BIN1: variants seen among roughly 807,000 people sequenced by gnomAD.
BIN1 encodes myc box-dependent-interacting protein 1.
A neutral mutation model predicts 82.0 loss-of-function variants in BIN1; 53 were observed. The ratio of observed to expected loss-of-function variants is 0.65; its 90% CI spans 0.52 to 0.81. The LOEUF is 0.81. BIN1 is among the 40% of genes least tolerant of loss of function. The pLI is 0.00. For missense variants in BIN1, 642 were observed against 784.4 expected (o/e 0.82, Z 2.17); for synonymous variants, 302 against 328.0 (o/e 0.92, Z 0.86).
At chr2:127,050,726 G>A in intron 17 of BIN1, 76 bp downstream of exon 17, 2 of 1,524,254 alleles carry the variant, frequency 1.3e-6, no homozygotes, top group Non-Finnish European at 1.8e-6. Flanking sequence ...AAACCACAGA[G>A]TCTCCTGAGG....
At chr2:127,106,473 T>G (rs1385810426) in intron 1 of BIN1, among the ~76,000 whole-genome samples, 1 of 152,144 alleles carries the variant, frequency 6.6e-6, no homozygotes, top group Non-Finnish European at 1.5e-5. Flanking sequence ...GTTGCCTGCA[T>G]GGGCCTGGAG....
chr2:127,070,436 C>T, intron 4 of BIN1, 117 bp downstream of exon 4: 1 of 1,280,176 alleles, frequency 7.8e-7, no homozygotes, highest in South Asian at 1.2e-5. Context: ...CCAGGGCACA[C>T]AGCACGCGAA....
rs1558798846 is a variant in BIN1 at position 127,053,451 on chromosome 2, C to CG, written c.1240-7dup. 6.2e-7 allele frequency: 1 copy of CG among 1,613,696 alleles called. No individual in the cohort carries two copies. Among genetic ancestry groups the CG allele is most frequent in the Non-Finnish European group, 8.5e-7 (1 of 1,179,850 alleles). On this transcript the variant is annotated splice_region_variant and splice_polypyrimidine_tract_variant and intron_variant, in intron 13 of 18. Transcript: ENST00000316724. ...CAGAGGTCCCATGGAATTGACTGAGCGCAGCAGTGAGGGCGAGAAGGACAG... is the reference window on the plus strand; with the variant it reads ...CAGAGGTCCCATGGAATTGACTGAGCGGCAGCAGTGAGGGCGAGAAGGACAG...
chr2:127,092,186 G>T (rs1295419758), intron 1 of BIN1, among the ~76,000 whole-genome samples: 1 of 152,182 alleles, frequency 6.6e-6, no homozygotes, highest in Non-Finnish European at 1.5e-5. Flanking sequence ...GGAGCAGAGG[G>T]GCTCCGGGCT....
rs543042694 is a variant in BIN1 at position 127,057,842 on chromosome 2, GGA to G, written c.1003-243_1003-242del. On this transcript the variant is annotated intron_variant, in intron 11 of 18. Coordinates refer to ENST00000316724, the MANE Select transcript of BIN1 (RefSeq NM_139343.3). This position sits in a 1 kb window ranked among gnomAD's most constrained non-coding sequence, Gnocchi z 5.0. ...GGCAGGCGGTCCAGAAACGCTGTGT[GGA>G]GAGAGAAGAGATAGAGAAGTGAGGG... 3.3e-5 allele frequency among the ~76,000 whole-genome samples: 5 copies of G among 151,974 alleles called. No individual in the cohort carries two copies. The highest frequency in any genetic ancestry group is 1.2e-4 in the African/African-American group (5 of 41,406).
intron 18 of BIN1, 67 bp downstream of exon 18, chr2:127,050,349 CCACGG>C: frequency 6.4e-7 from 1 of 1,559,960 alleles, no homozygotes; most frequent in Non-Finnish European, 8.8e-7. Flanking sequence ...CCTGTCTCCG[CCACGG>C]CGGTGCCAGC....
chr2:127,076,638 G>A lies in BIN1; in HGVS notation c.153C>T (p.Phe51=). ...DEQFEQCVQN[F]NKQLTEGTRL... is the part of the protein sequence containing the mutation. ...CACCCACACTCACCAGCTGCTTGTT[G>A]AAATTCTGGACGCACTGCTCAAACT... The change falls in exon 2 of 19, where the codon TTC becomes TTT. Residue 51 remains phenylalanine, a synonymous_variant. Transcript: ENST00000316724. The A allele has an allele frequency of 6.2e-7, 1 of 1,614,116 alleles. No homozygotes were observed. Among genetic ancestry groups the A allele is most frequent in the Non-Finnish European group, 8.5e-7 (1 of 1,180,024 alleles).
At position 127,059,940 on chromosome 2, in the gene BIN1, G is replaced by T. The variant is rs751461352; in HGVS notation, c.858-785C>A. Among the ~76,000 whole-genome samples, 2 of 152,146 alleles carry T rather than the reference G, an allele frequency of 1.3e-5. No individual in the cohort carries two copies. Among genetic ancestry groups the T allele is most frequent in the Non-Finnish European group, 2.9e-5 (2 of 68,024 alleles). On this transcript the variant is annotated intron_variant, in intron 10 of 18. Transcript: ENST00000316724. This position sits in a 1 kb window ranked among gnomAD's most constrained non-coding sequence, Gnocchi z 6.7. Reference sequence around the variant, plus strand: ...AGTACGGTTGCCACTAGCCACAGGCGGCAATGCAAACTCAAAGCAATGAAA... The same window carrying T: ...AGTACGGTTGCCACTAGCCACAGGCTGCAATGCAAACTCAAAGCAATGAAA...
At chr2:127,079,643 C>T (rs753442373) in intron 1 of BIN1, among the ~76,000 whole-genome samples, 8 of 152,240 alleles carry the variant, frequency 5.3e-5, no homozygotes, top group Non-Finnish European at 1.0e-4. Context: ...TTCCTCACTG[C>T]TATGTGATGT....
rs528828320 is a variant in BIN1, at chr2:127,070,814, C to T, written c.168G>A (p.Thr56=). 8.1e-6 allele frequency: 13 copies of T among 1,611,972 alleles called. No individual in the cohort carries two copies. The highest frequency in any genetic ancestry group is 2.1e-4 in the Middle Eastern group (1 of 4,840). Reference sequence around the variant, plus strand: ...GATCCTTCTGCAGCCGGGTGCCCTCCGTCTGCAAAGAGAAGGACAAGGACC... The same window carrying T: ...GATCCTTCTGCAGCCGGGTGCCCTCTGTCTGCAAAGAGAAGGACAAGGACC... ...QCVQNFNKQL[T]EGTRLQKDLR... is the part of the protein sequence containing the mutation. Residue 56 remains threonine, a splice_region_variant and synonymous_variant, in exon 3 of 19, where the codon ACG becomes ACA. Coordinates refer to ENST00000316724, the MANE Select transcript of BIN1 (RefSeq NM_139343.3).
Position 127,068,884 on chromosome 2 carries a change from C to T in BIN1, c.519+40G>A, listed in dbSNP as rs372195051. On this transcript the variant is annotated intron_variant, in intron 6 of 18. Transcript: ENST00000316724. The surrounding 1 kb of genome is among the most constrained non-coding windows in gnomAD (Gnocchi z 4.9). ...GTCCTAGACACCCGCCCTCTCTCAGCCCCCTGCAGACGCTGCCCCGACCCG... is the reference window on the plus strand; with the variant it reads ...GTCCTAGACACCCGCCCTCTCTCAGTCCCCTGCAGACGCTGCCCCGACCCG... The T allele has an allele frequency of 9.7e-4, 1,530 of 1,573,696 alleles. 17 individuals are homozygous for T. The South Asian group carries it at 0.013, about 13-fold the overall frequency.
At chr2:127,080,115 T>C (rs905710653) in intron 1 of BIN1, among the ~76,000 whole-genome samples, 1 of 152,234 alleles carries the variant, frequency 6.6e-6, no homozygotes, top group African/African-American at 2.4e-5. Flanking sequence ...ATTTCATCCA[T>C]GAGGGAACGC....
intron 1 of BIN1, among the ~76,000 whole-genome samples, chr2:127,094,106 T>G (rs1426112657): frequency 1.3e-5 from 2 of 152,214 alleles, no homozygotes; most frequent in Non-Finnish European, 2.9e-5. Flanking sequence ...TTAATCCTCA[T>G]GACAACCCTC....
rs886054833 is a variant in BIN1, at chr2:127,048,471, C to T, written c.*55G>A. The T allele has an allele frequency of 9.3e-6, 14 of 1,511,804 alleles. No homozygotes were observed. The Middle Eastern group carries it at 6.8e-4, about 74-fold the overall frequency. 93.6% of individuals were successfully genotyped at this position (1,511,804 alleles called of 1,614,324 possible). ...AAACAAAACAAAAAAAAGAACCACA[C>T]ATTTTTCGGGAGGAGGTGTTCTTCA... On this transcript the variant is annotated 3_prime_UTR_variant, in exon 19 of 19. Coordinates refer to ENST00000316724, the MANE Select transcript of BIN1 (RefSeq NM_139343.3).
intron 1 of BIN1, among the ~76,000 whole-genome samples, chr2:127,106,332 A>C (rs1681118780): frequency 1.3e-5 from 2 of 152,302 alleles, no homozygotes; most frequent in Admixed American, 1.3e-4. Flanking sequence ...GGAGAACGAA[A>C]GTGGAGAAGC....
chr2:127,061,009 C>G (rs1379902963), intron 10 of BIN1, among the ~76,000 whole-genome samples: 2 of 152,154 alleles, frequency 1.3e-5, no homozygotes, highest in Non-Finnish European at 1.5e-5. Context: ...GGAAGGGAGA[C>G]TCCTGGGCCT....
chr2:127,078,917 TACC>T (rs752979203), intron 1 of BIN1, among the ~76,000 whole-genome samples: 4 of 147,844 alleles, frequency 2.7e-5, no homozygotes, highest in Admixed American at 6.7e-5. Flanking sequence ...CCCAGAAGTC[TACC>T]AGAGCCACCA....
At position 127,054,016 on chromosome 2, in the gene BIN1, GGCAGCA is replaced by G; in HGVS notation, c.1132-10_1132-5del. 1.9e-6 allele frequency: 3 copies of G among 1,550,538 alleles called. No homozygotes were observed. The highest frequency in any genetic ancestry group is 2.4e-5 in the East Asian group (1 of 40,904). ...AGAAAGGCCCCGGGGCCTCAAACTTGGCAGCAGCAGCAGCAGCAGAGGAGGAAGCAG... is the reference window on the plus strand; with the variant it reads ...AGAAAGGCCCCGGGGCCTCAAACTTGGCAGCAGCAGCAGAGGAGGAAGCAG... On this transcript the variant is annotated splice_region_variant and splice_polypyrimidine_tract_variant and intron_variant, in intron 12 of 18. Transcript: ENST00000316724.
intron 1 of BIN1, 80 bp downstream of exon 1, chr2:127,106,780 G>A (rs548509223): frequency 2.7e-6 from 4 of 1,501,134 alleles, no homozygotes; most frequent in African/African-American, 2.8e-5. Flanking sequence ...CAGGCCCCGG[G>A]GTCGGAGGAT....
Sources: allele counts gnomAD v4.1 joint callset (sites outside exome capture counted in the v4.1 genomes callset), GRCh38; gene constraint gnomAD v4.1.1; non-coding constraint Gnocchi (gnomAD v3.1); transcripts MANE v1.5; gene names NCBI Gene and HGNC (gene_info 2026-07-23, HGNC 2026-07-21).